Variants in CDH13 observed in about 807,000 individuals in gnomAD.
The protein encoded by CDH13 is cadherin-13.
Under a neutral mutation model 63.8 loss-of-function variants are expected in CDH13, and 24 were observed. The ratio of observed to expected loss-of-function variants is 0.38; its 90% confidence interval spans 0.27 to 0.53. The LOEUF (loss-of-function observed/expected upper bound fraction) is 0.53, where lower values mean the gene tolerates loss of function less well. Among genes scored for constraint, CDH13 ranks in the 20% least tolerant of loss-of-function variants. The pLI is 0.85. For missense variants in CDH13, 1,049 were observed against 903.1 expected, an observed-to-expected ratio of 1.16 and a Z score of -2.07; for synonymous variants, 503 against 355.3, an observed-to-expected ratio of 1.42 and a Z score of -4.67.
intron 10 of CDH13, among the ~76,000 whole-genome samples, chr16:83,733,628 C>T (rs1299112741): frequency 6.6e-6 from 1 of 152,162 alleles, no homozygotes; most frequent in African/African-American, 2.4e-5. Flanking sequence ...TATCCATGCT[C>T]AGCTTGGTCT....
chr16:83,755,455 T>C (rs1319032085), intron 11 of CDH13, among the ~76,000 whole-genome samples: 1 of 152,180 alleles, frequency 6.6e-6, no homozygotes, highest in African/African-American at 2.4e-5. Context: ...TCAAAAAGTT[T>C]AGCAAACCAC....
At chr16:83,121,553 T>C (rs2035576985) in intron 3 of CDH13, among the ~76,000 whole-genome samples, 1 of 152,212 alleles carries the variant, frequency 6.6e-6, no homozygotes, top group South Asian at 2.1e-4. Flanking sequence ...GTGATGATGA[T>C]AGTGGTCGGA....
chr16:82,986,674 A>G (rs1369583307), intron 2 of CDH13, among the ~76,000 whole-genome samples: 2 of 152,202 alleles, frequency 1.3e-5, no homozygotes, highest in Non-Finnish European at 2.9e-5. Flanking sequence ...GTCCAACCAC[A>G]CAAACATATC....
intron 10 of CDH13, among the ~76,000 whole-genome samples, chr16:83,719,877 G>T (rs1428879019): frequency 1.3e-5 from 2 of 152,174 alleles, no homozygotes; most frequent in East Asian, 3.9e-4. Context: ...CTGGTCTGAT[G>T]CCTGGCATCT....
chr16:83,163,508 C>T (rs145517113), intron 4 of CDH13, among the ~76,000 whole-genome samples: 32 of 152,262 alleles, frequency 2.1e-4, no homozygotes, highest in African/African-American at 7.7e-4. Flanking sequence ...TTGCCATCAG[C>T]ATTATAGTAG....
At chr16:82,895,912 C>G (rs974986038) in intron 2 of CDH13, among the ~76,000 whole-genome samples, 1 of 152,172 alleles carries the variant, frequency 6.6e-6, no homozygotes, top group Non-Finnish European at 1.5e-5. Flanking sequence ...CCCCTCTGCT[C>G]TTTGAACACA....
chr16:82,979,504 T>TG (rs1909977192), intron 2 of CDH13, among the ~76,000 whole-genome samples: 1 of 152,090 alleles, frequency 6.6e-6, no homozygotes, highest in African/African-American at 2.4e-5. Context: ...TTTTCATGAT[T>TG]GTGAATTCTC....
At chr16:83,374,735 C>T (rs1056434899) in intron 6 of CDH13, among the ~76,000 whole-genome samples, 5 of 152,210 alleles carry the variant, frequency 3.3e-5, no homozygotes, top group Admixed American at 2.6e-4. Context: ...GTTTTCCACA[C>T]ACCTGAGAGT....
At chr16:83,581,410 C>G (rs900445228) in intron 7 of CDH13, among the ~76,000 whole-genome samples, 1 of 152,344 alleles carries the variant, frequency 6.6e-6, no homozygotes, top group East Asian at 1.9e-4. Context: ...TGCCTCAAGA[C>G]TTTTGCACTT....
chr16:83,694,159 A>G (rs1041947952), intron 10 of CDH13, among the ~76,000 whole-genome samples: 1 of 152,228 alleles, frequency 6.6e-6, no homozygotes, highest in Non-Finnish European at 1.5e-5. Context: ...TAGCCGCCAG[A>G]TAGAACTCAA....
chr16:82,927,101 A>G (rs2042328089), intron 2 of CDH13, among the ~76,000 whole-genome samples: 1 of 152,174 alleles, frequency 6.6e-6, no homozygotes, highest in South Asian at 2.1e-4. Context: ...TGTTGGCCAC[A>G]GTATCCACAC....
chr16:82,728,566 C>A (rs930673194), intron 1 of CDH13, among the ~76,000 whole-genome samples: 9 of 152,040 alleles, frequency 5.9e-5, no homozygotes, highest in African/African-American at 2.2e-4. Flanking sequence ...TACTTTATTG[C>A]TACAAAATAT....
intron 6 of CDH13, among the ~76,000 whole-genome samples, chr16:83,422,523 C>T (rs1185929584): frequency 2.0e-5 from 3 of 152,158 alleles, no homozygotes; most frequent in African/African-American, 7.2e-5. Flanking sequence ...TAATTTCTTG[C>T]ACGAATTAAT....
chr16:82,997,801 G>A (rs1013096038), intron 2 of CDH13, among the ~76,000 whole-genome samples: 1 of 152,126 alleles, frequency 6.6e-6, no homozygotes, highest in South Asian at 2.1e-4. Context: ...TAAATATTCA[G>A]TATCATTTTC....
chr16:82,812,170 A>G (rs952263338), intron 1 of CDH13, among the ~76,000 whole-genome samples: 1 of 152,116 alleles, frequency 6.6e-6, no homozygotes, highest in Non-Finnish European at 1.5e-5. Flanking sequence ...GCCTTTAGAA[A>G]CTGGCAGATG....
intron 6 of CDH13, among the ~76,000 whole-genome samples, chr16:83,410,767 C>T (rs1212792940): frequency 6.6e-6 from 1 of 152,118 alleles, no homozygotes; most frequent in Admixed American, 6.5e-5. Context: ...GTAACTGAGT[C>T]GTTGGCAATC....
At chr16:83,141,032 A>G (rs2036508371) in intron 4 of CDH13, among the ~76,000 whole-genome samples, 1 of 152,244 alleles carries the variant, frequency 6.6e-6, no homozygotes, top group South Asian at 2.1e-4. Flanking sequence ...TCACTGAAGT[A>G]TCCACTATTT....
intron 2 of CDH13, among the ~76,000 whole-genome samples, chr16:83,027,874 A>G (rs1184272694): frequency 6.6e-6 from 1 of 152,204 alleles, no homozygotes; most frequent in Non-Finnish European, 1.5e-5. Flanking sequence ...CCAATTATTT[A>G]TAAGAGTAGT....
intron 4 of CDH13, among the ~76,000 whole-genome samples, chr16:83,197,666 C>T (rs752330020): frequency 1.3e-5 from 2 of 152,042 alleles, no homozygotes; most frequent in East Asian, 1.9e-4. Flanking sequence ...AATGACAACA[C>T]GAAGGATCCC....
Sources: allele counts gnomAD v4.1 joint callset (sites outside exome capture counted in the v4.1 genomes callset), GRCh38; gene constraint gnomAD v4.1.1; transcripts MANE v1.5; gene names NCBI Gene and HGNC (gene_info 2026-07-23, HGNC 2026-07-21).